ACSL3: variants seen among roughly 807,000 people sequenced by gnomAD.
ACSL3 encodes the protein fatty acid CoA ligase Acsl3.
ACSL3 carries 34 observed loss-of-function variants against 84.7 expected under a neutral mutation model. The ratio of observed to expected loss-of-function variants is 0.40; its 90% CI spans 0.31 to 0.53. The LOEUF (loss-of-function observed/expected upper bound fraction) is 0.53. Ranked by LOEUF, ACSL3 falls within the 20% of genes least tolerant of loss-of-function variation. The pLI is 0.48. For missense variants in ACSL3, 680 were observed against 873.1 expected, an observed-to-expected ratio of 0.78 and a Z score of 2.79; for synonymous variants, 315 against 299.4, an observed-to-expected ratio of 1.05 and a Z score of -0.54.
At chr2:222,936,419 T>G (rs1446425944) in intron 16 of ACSL3, among the ~76,000 whole-genome samples, 18 of 152,190 alleles carry the variant, frequency 1.2e-4, no homozygotes. Context: ...TCACCAACAT[T>G]TGTATATTTT....
chr2:222,941,437 A>G, intron 16 of ACSL3, 60 bp from the exon 17 acceptor site: 1 of 1,439,566 alleles, frequency 6.9e-7, no homozygotes, highest in South Asian at 1.4e-5. Context: ...TGGGGAAGTT[A>G]CACCATTTGC....
chr2:222,928,584 A>C (rs1336480931), intron 12 of ACSL3, among the ~76,000 whole-genome samples: 1 of 150,770 alleles, frequency 6.6e-6, no homozygotes, highest in African/African-American at 2.4e-5. Flanking sequence ...ATGTGGGCCC[A>C]TTGTTGCTGG....
chr2:222,869,265 C>T (rs919528345), intron 1 of ACSL3, among the ~76,000 whole-genome samples: 3 of 152,172 alleles, frequency 2.0e-5, no homozygotes, highest in African/African-American at 7.2e-5. Flanking sequence ...CTCAGCCTTC[C>T]ATTTCAATTT....
chr2:222,928,382 G>A (rs1207403833), intron 12 of ACSL3, among the ~76,000 whole-genome samples: 2 of 152,318 alleles, frequency 1.3e-5, no homozygotes, highest in East Asian at 3.9e-4. Flanking sequence ...TAAGAAAGTA[G>A]AATAGACGTA....
chr2:222,876,199 G>A (rs950960629), intron 1 of ACSL3, among the ~76,000 whole-genome samples: 2 of 152,212 alleles, frequency 1.3e-5, no homozygotes, highest in Non-Finnish European at 2.9e-5. Context: ...TGTGTGATTT[G>A]TAAATCATAG....
Position 222,909,085 on chromosome 2 carries a change from T to C in ACSL3, c.313T>C (p.Leu105=), listed in dbSNP as rs774609235. The C allele has an allele frequency of 6.2e-7, 1 of 1,607,620 alleles. No individual in the cohort carries two copies. Among genetic ancestry groups the C allele is most frequent in the Non-Finnish European group, 8.5e-7 (1 of 1,178,534 alleles). ...AKNKFKNKRL[L]GTREVLNEED... Reference sequence around the variant, plus strand: ...AAACAAATTTAAGAACAAAAGACTCTTGGGAACACGTGAAGTTTTAAATGA... The same window carrying C: ...AAACAAATTTAAGAACAAAAGACTCCTGGGAACACGTGAAGTTTTAAATGA... Residue 105 remains leucine (L), a synonymous_variant, in exon 4 of 17, where the codon TTG becomes CTG. Coordinates refer to ENST00000357430, the MANE Select transcript of ACSL3 (RefSeq NM_004457.5).
At chr2:222,867,978 TG>T (rs1442379215) in intron 1 of ACSL3, among the ~76,000 whole-genome samples, 1 of 145,016 alleles carries the variant, frequency 6.9e-6, no homozygotes, top group African/African-American at 2.6e-5. Context: ...TAACTTTCTT[TG>T]CTTTTTTTTT....
At chr2:222,881,053 A>C (rs1695581446) in intron 1 of ACSL3, among the ~76,000 whole-genome samples, 1 of 152,194 alleles carries the variant, frequency 6.6e-6, no homozygotes, top group Admixed American at 6.5e-5. Flanking sequence ...AGTGCTGTTC[A>C]GAAGACATGC....
Position 222,895,108 on chromosome 2 carries a change from C to T in ACSL3, c.-147-5566C>T, listed in dbSNP as rs561940452. ...AACACTGTGGTCTTATTATTTCATA[C>T]TCCAGCCTGCCTTTGCTATTCCTTT... On this transcript the variant is annotated intron_variant, in intron 2 of 16. Coordinates refer to ENST00000357430, the MANE Select transcript of ACSL3 (RefSeq NM_004457.5). Among the ~76,000 whole-genome samples, 40 of 152,332 alleles carry T rather than the reference C, an allele frequency of 2.6e-4. 1 individual carries two copies. In the South Asian group the frequency reaches 8.1e-3, roughly 31 times the overall value.
intron 3 of ACSL3, among the ~76,000 whole-genome samples, chr2:222,906,438 C>G (rs1458290029): frequency 6.6e-6 from 1 of 152,156 alleles, no homozygotes; most frequent in African/African-American, 2.4e-5. Context: ...TAAATTTCCC[C>G]ACTTGTGATC....
intron 5 of ACSL3, chr2:222,917,301 G>A (rs978044578): frequency 1.3e-5 from 2 of 152,268 alleles, no homozygotes; most frequent in Non-Finnish European, 2.9e-5. Context: ...CTGTTGGCCA[G>A]GATGGTCTTG....
chr2:222,869,357 C>A (rs1394231777), intron 1 of ACSL3, among the ~76,000 whole-genome samples: 1 of 152,206 alleles, frequency 6.6e-6, no homozygotes, highest in Non-Finnish European at 1.5e-5. Context: ...TCTGGCTCCC[C>A]TGTCTTCTCT....
intron 16 of ACSL3, among the ~76,000 whole-genome samples, chr2:222,937,321 G>T (rs946356835): frequency 2.6e-5 from 4 of 152,038 alleles, no homozygotes; most frequent in African/African-American, 9.7e-5. Context: ...TATGAAGGTT[G>T]TGTGTGTGTC....
chr2:222,899,572 A>G (rs1213226775), intron 2 of ACSL3, among the ~76,000 whole-genome samples: 1 of 152,206 alleles, frequency 6.6e-6, no homozygotes, highest in Non-Finnish European at 1.5e-5. Flanking sequence ...GATCTTGCGC[A>G]AGAAAGAATT....
intron 8 of ACSL3, 148 bp downstream of exon 8, chr2:222,921,578 T>A: frequency 1.4e-6 from 1 of 725,836 alleles, no homozygotes; most frequent in Non-Finnish European, 2.1e-6. Flanking sequence ...AAAAGGACAT[T>A]AAAATTAATG....
intron 3 of ACSL3, among the ~76,000 whole-genome samples, chr2:222,903,221 T>C (rs1454871345): frequency 6.6e-6 from 1 of 152,210 alleles, no homozygotes; most frequent in Admixed American, 6.5e-5. Context: ...TATCGCACTT[T>C]TCATCTCCTG....
chr2:222,876,852 T>C (rs1374794517), intron 1 of ACSL3, among the ~76,000 whole-genome samples: 1 of 152,100 alleles, frequency 6.6e-6, no homozygotes, highest in Non-Finnish European at 1.5e-5. Context: ...GTTAATGGTA[T>C]GCCTGAAGTG....
In ACSL3 at chr2:222,941,533, G is replaced by A. The variant is rs1233889614; in HGVS notation, c.2042G>A (p.Arg681His). Residue 681 changes from arginine (R) to histidine (H), a missense_variant, in exon 17 of 17, where the codon CGT becomes CAT. Physicochemically the swap from Arg to His is conservative, Grantham distance 29. Transcript: ENST00000357430. ...LEKFEIPVKI[R>H]LSPEPWTPET... is the part of the protein sequence containing the mutation. ...AAGTTTGAAATTCCAGTAAAAATTC[G>A]TTTGAGTCCTGAACCGTGGACCCCT... 4 of 1,601,398 alleles carry A rather than the reference G, an allele frequency of 2.5e-6. No homozygotes were observed. Among genetic ancestry groups the A allele is most frequent in the African/African-American group, 2.7e-5 (2 of 73,066 alleles).
intron 2 of ACSL3, among the ~76,000 whole-genome samples, chr2:222,894,839 G>A (rs1328745555): frequency 6.6e-6 from 1 of 152,076 alleles, no homozygotes; most frequent in South Asian, 2.1e-4. Flanking sequence ...TGTTCAATGG[G>A]TATATATGTT....
Sources: gnomAD v4.1 joint callset for allele counts (sites outside exome capture counted in the v4.1 genomes callset) on GRCh38, gnomAD v4.1.1 for gene constraint, MANE v1.5 for transcripts, NCBI Gene and HGNC (gene_info 2026-07-23, HGNC 2026-07-21) for gene names.